The following DCDC1 variants were observed in gnomAD, a reference collection of about 807,000 sequenced individuals.
The protein encoded by DCDC1 is doublecortin domain containing 1.
Under a neutral mutation model 178.3 loss-of-function variants are expected in DCDC1, and 200 were observed. That is an observed-to-expected ratio of 1.12 (90% CI 1.00 to 1.26). DCDC1 has a LOEUF of 1.26. Ranked by LOEUF, DCDC1 falls within the 50% of genes most tolerant of loss-of-function variation. The pLI is 0.00. For synonymous variants in DCDC1, 690 were observed against 604.8 expected (o/e 1.14, Z -2.07); for missense variants, 1,983 against 1,749.2 (o/e 1.13, Z -2.38).
At chr11:30,914,545 C>T (rs1476436921) in intron 27 of DCDC1, among the ~76,000 whole-genome samples, 2 of 150,042 alleles carry the variant, frequency 1.3e-5, no homozygotes, top group Non-Finnish European at 2.9e-5. Flanking sequence ...CCATATCACA[C>T]TAATGGTAGA....
intron 8 of DCDC1, among the ~76,000 whole-genome samples, chr11:31,248,802 A>G (rs1450327257): frequency 6.6e-6 from 1 of 152,066 alleles, no homozygotes; most frequent in Non-Finnish European, 1.5e-5. Context: ...GTGTTTTTAC[A>G]TATTTTTGTC....
At chr11:31,291,463 G>A (rs1177528931) in intron 6 of DCDC1, among the ~76,000 whole-genome samples, 3 of 152,002 alleles carry the variant, frequency 2.0e-5, no homozygotes, top group Non-Finnish European at 4.4e-5. Context: ...CATTTTCAAA[G>A]CTGTGTGCAG....
At chr11:31,036,046 T>C (rs1052845690) in intron 20 of DCDC1, among the ~76,000 whole-genome samples, 15 of 152,238 alleles carry the variant, frequency 9.9e-5, no homozygotes, top group Non-Finnish European at 1.8e-4. Context: ...CCCATTTTAT[T>C]TGTAAAGCAA....
At chr11:31,358,400 A>T (rs1951514384) in intron 1 of DCDC1, among the ~76,000 whole-genome samples, 1 of 152,066 alleles carries the variant, frequency 6.6e-6, no homozygotes, top group Non-Finnish European at 1.5e-5. Flanking sequence ...GAAAGCTGAA[A>T]CTGGACCCCT....
chr11:30,888,088 GAA>G (rs1565029504), intron 36 of DCDC1, among the ~76,000 whole-genome samples: 103 of 111,930 alleles, frequency 9.2e-4, no homozygotes, highest in African/African-American at 3.2e-3. Context: ...GAGAGAGAAA[GAA>G]AGAAAGAAAA....
chr11:31,060,192 G>C (rs911150158), intron 20 of DCDC1, among the ~76,000 whole-genome samples: 1 of 151,932 alleles, frequency 6.6e-6, no homozygotes, highest in African/African-American at 2.4e-5. Context: ...AGAACCAAAC[G>C]CTCAATTTTA....
At chr11:31,161,261 T>G (rs1398113862) in intron 9 of DCDC1, among the ~76,000 whole-genome samples, 1 of 151,756 alleles carries the variant, frequency 6.6e-6, no homozygotes, top group Non-Finnish European at 1.5e-5. Flanking sequence ...AAACGGGGAG[T>G]CAATGCGTAA....
chr11:31,360,975 TA>T (rs776229236), intron 1 of DCDC1, among the ~76,000 whole-genome samples: 26 of 152,302 alleles, frequency 1.7e-4, no homozygotes, highest in Admixed American at 3.3e-4. Flanking sequence ...CCAAGATTAT[TA>T]AATTGGGCTA....
intron 20 of DCDC1, among the ~76,000 whole-genome samples, chr11:30,999,152 G>A (rs142993850): frequency 1.7e-4 from 26 of 152,280 alleles, no homozygotes; most frequent in Admixed American, 5.2e-4. Context: ...GGAGACTAAC[G>A]AGACACAACT....
intron 38 of DCDC1, among the ~76,000 whole-genome samples, chr11:30,869,919 G>A (rs2133913804): frequency 6.6e-6 from 1 of 152,176 alleles, no homozygotes; most frequent in Non-Finnish European, 1.5e-5. Context: ...TCTTATTCTA[G>A]AAAGATCATT....
At chr11:31,035,949 C>T (rs979740981) in intron 20 of DCDC1, among the ~76,000 whole-genome samples, 2 of 152,116 alleles carry the variant, frequency 1.3e-5, no homozygotes, top group African/African-American at 4.8e-5. Context: ...TAAGTTGTGG[C>T]TTATATTTAT....
chr11:31,301,869 A>C (rs905276246), intron 6 of DCDC1, among the ~76,000 whole-genome samples: 1 of 152,088 alleles, frequency 6.6e-6, no homozygotes, highest in Non-Finnish European at 1.5e-5. Context: ...TTACTAGAAA[A>C]TCTCTAGGCT....
chr11:30,975,287 A>G (rs1453358993), intron 20 of DCDC1, among the ~76,000 whole-genome samples: 2 of 152,052 alleles, frequency 1.3e-5, no homozygotes, highest in African/African-American at 2.4e-5. Context: ...AAAGCTAAAA[A>G]CATTACCTCT....
At chr11:30,981,674 T>G (rs183028845) in intron 20 of DCDC1, among the ~76,000 whole-genome samples, 7 of 152,306 alleles carry the variant, frequency 4.6e-5, no homozygotes, top group Non-Finnish European at 1.5e-5. Context: ...ACTGTAATAT[T>G]AATTCAATAG....
At chr11:31,233,900 C>T (rs1277255921) in intron 9 of DCDC1, among the ~76,000 whole-genome samples, 2 of 152,120 alleles carry the variant, frequency 1.3e-5, no homozygotes, top group Non-Finnish European at 2.9e-5. Flanking sequence ...ATTGAGTAAT[C>T]AAAATGTGGC....
chr11:30,926,746 G>T (rs1457662055), intron 22 of DCDC1, among the ~76,000 whole-genome samples: 2 of 152,028 alleles, frequency 1.3e-5, no homozygotes, highest in Non-Finnish European at 2.9e-5. Context: ...ATCCTCAATG[G>T]GATAAAGCAA....
At chr11:31,259,242 A>C (rs1225579120) in intron 8 of DCDC1, among the ~76,000 whole-genome samples, 1 of 152,058 alleles carries the variant, frequency 6.6e-6, no homozygotes, top group Non-Finnish European at 1.5e-5. Flanking sequence ...AATCCACGCT[A>C]TTCGGGAGGC....
At chr11:31,115,138 T>C (rs1242836947) in intron 11 of DCDC1, among the ~76,000 whole-genome samples, 1 of 152,164 alleles carries the variant, frequency 6.6e-6, no homozygotes, top group East Asian at 1.9e-4. Context: ...TTATTGACTG[T>C]GAAGATTTTA....
intron 9 of DCDC1, among the ~76,000 whole-genome samples, chr11:31,224,839 A>T (rs902054767): frequency 6.6e-6 from 1 of 152,086 alleles, no homozygotes; most frequent in African/African-American, 2.4e-5. Flanking sequence ...GAATGGCCAT[A>T]ATTTAAAAAT....
Sources: allele counts gnomAD v4.1 joint callset (sites outside exome capture counted in the v4.1 genomes callset), GRCh38; gene constraint gnomAD v4.1.1; transcripts MANE v1.5; gene names NCBI Gene and HGNC (gene_info 2026-07-23, HGNC 2026-07-21).